The following CTSC variants were observed in gnomAD, a reference collection of about 807,000 sequenced individuals.
The protein encoded by CTSC is dipeptidyl peptidase 1.
CTSC carries 37 observed loss-of-function variants against 40.9 expected under a neutral mutation model. The observed-to-expected ratio is 0.91, with a 90% confidence interval of 0.70 to 1.19. CTSC has a LOEUF of 1.19. Among genes scored for constraint, CTSC ranks in the 50% most tolerant of loss-of-function variants. The pLI is 0.00. For synonymous variants in CTSC, 232 were observed against 207.4 expected (o/e 1.12, Z -1.02); for missense variants, 594 against 567.3 (o/e 1.05, Z -0.48).
intron 2 of CTSC, chr11:88,326,283 C>T: frequency 1.3e-6 from 2 of 1,595,704 alleles, no homozygotes; most frequent in South Asian, 2.3e-5. Context: ...TTGCATTTTG[C>T]ATGCAAATAA....
chr11:88,308,642 C>T (rs928969786), intron 4 of CTSC, among the ~76,000 whole-genome samples: 2 of 151,850 alleles, frequency 1.3e-5, no homozygotes, highest in African/African-American at 4.8e-5. Context: ...TGATTTCACC[C>T]ACCCCAACCA....
chr11:88,333,841 C>G (rs1309135373), intron 2 of CTSC, among the ~76,000 whole-genome samples: 2 of 152,066 alleles, frequency 1.3e-5, no homozygotes, highest in Non-Finnish European at 2.9e-5. Context: ...CATATCACAC[C>G]AGCAAATCCA....
intron 2 of CTSC, among the ~76,000 whole-genome samples, chr11:88,334,086 A>G (rs1404437550): frequency 2.0e-5 from 3 of 152,122 alleles, no homozygotes; most frequent in South Asian, 4.1e-4. Flanking sequence ...GTTATTCCCT[A>G]CTTTCCCACT....
At chr11:88,326,446 A>G in intron 2 of CTSC, 1 of 1,604,512 alleles carries the variant, frequency 6.2e-7, no homozygotes. Flanking sequence ...TTTAATAACT[A>G]CAAGACAATA....
intron 4 of CTSC, among the ~76,000 whole-genome samples, chr11:88,305,608 A>G (rs72964967): frequency 0.072 from 10,900 of 152,264 alleles, 451 homozygotes; most frequent in Non-Finnish European, 0.096. Flanking sequence ...AGAATCTTTG[A>G]GAGTTTCTAT....
At chr11:88,336,527 A>C (rs1938499856) in intron 1 of CTSC, among the ~76,000 whole-genome samples, 1 of 149,154 alleles carries the variant, frequency 6.7e-6, no homozygotes, top group Non-Finnish European at 1.5e-5. Flanking sequence ...TGACAGAGCA[A>C]GACTCCATTC....
intron 2 of CTSC, among the ~76,000 whole-genome samples, chr11:88,334,258 A>C (rs888211103): frequency 2.0e-5 from 3 of 152,258 alleles, no homozygotes; most frequent in African/African-American, 7.2e-5. Context: ...GCTTGTGAAG[A>C]ACAAATGAAA....
At chr11:88,330,533 G>C (rs1938321101) in intron 2 of CTSC, among the ~76,000 whole-genome samples, 1 of 152,088 alleles carries the variant, frequency 6.6e-6, no homozygotes, top group East Asian at 1.9e-4. Flanking sequence ...ATTTTTAGTA[G>C]AGACGGGGTT....
intron 2 of CTSC, among the ~76,000 whole-genome samples, chr11:88,319,696 C>T (rs1408238460): frequency 1.3e-5 from 2 of 151,982 alleles, no homozygotes; most frequent in African/African-American, 4.8e-5. Flanking sequence ...CTTAATATTT[C>T]ACATTTTATA....
chr11:88,310,512 T>A lies in CTSC; in HGVS notation c.486-1194A>T, dbSNP rs188064910. Reference sequence around the variant, plus strand: ...CAAGATATAATTAACCTGAGGAACATTTTAGGCATACTGCAAACTTTTCTT... The same window carrying A: ...CAAGATATAATTAACCTGAGGAACAATTTAGGCATACTGCAAACTTTTCTT... On this transcript the variant is annotated intron_variant, in intron 3 of 6. Coordinates refer to ENST00000227266, the MANE Select transcript of CTSC (RefSeq NM_001814.6). 7.0e-3 allele frequency among the ~76,000 whole-genome samples: 1,061 copies of A among 152,282 alleles called. 9 individuals carry two copies. Among genetic ancestry groups the A allele is most frequent in the South Asian group, 0.012 (60 of 4,830 alleles).
intron 2 of CTSC, chr11:88,324,808 A>T (rs1325294878): frequency 1.0e-6 from 1 of 985,272 alleles, no homozygotes; most frequent in East Asian, 1.1e-4. Context: ...GTCCTGAGTG[A>T]TAAAGAATTT....
chr11:88,320,858 T>C, intron 2 of CTSC: 4 of 824,698 alleles, frequency 4.9e-6, no homozygotes, highest in Non-Finnish European at 5.9e-6. Context: ...TGAAGGCTTA[T>C]TATTGGTCAT....
At chr11:88,334,891 A>T (rs368224078) in intron 2 of CTSC, 46 bp downstream of exon 2, 1 of 1,446,584 alleles carries the variant, frequency 6.9e-7, no homozygotes, top group Non-Finnish European at 9.7e-7. Context: ...GAGGTTTCAG[A>T]TATCAAATCA....
chr11:88,328,686 G>A (rs1477164133), intron 2 of CTSC, among the ~76,000 whole-genome samples: 1 of 152,104 alleles, frequency 6.6e-6, no homozygotes, highest in African/African-American at 2.4e-5. Context: ...GAAATGCAGT[G>A]GCACAATGTC....
chr11:88,293,856 T>C lies in CTSC; in HGVS notation c.*150A>G, dbSNP rs1247044220. The C allele has an allele frequency of 1.1e-6, 1 of 935,940 alleles. No individual in the cohort carries two copies. Among genetic ancestry groups the C allele is most frequent in the African/African-American group, 1.6e-5 (1 of 61,070 alleles). The allele number at this position is 935,940 out of a possible 1,614,324, so 58.0% of individuals were successfully genotyped here. On this transcript the variant is annotated 3_prime_UTR_variant, in exon 7 of 7. Transcript: ENST00000227266. ...TGGCCGATTGAAAGGTATATTAAAA[T>C]TAAGGGCAGTTTTAATTCTGAAGAC...
At chr11:88,295,065 C>T (rs576363173) in intron 6 of CTSC, among the ~76,000 whole-genome samples, 7 of 152,298 alleles carry the variant, frequency 4.6e-5, no homozygotes, top group African/African-American at 1.7e-4. Context: ...CTTCACTGTT[C>T]TTCACTCTGT....
Position 88,300,748 on chromosome 11 carries a change from A to G in CTSC, c.642-103T>C. Reference sequence around the variant, plus strand: ...TATGATTTCAGCTACCAGACTAGCTAGGATCTAGATTCAGACCCAGAGCAC... The same window carrying G: ...TATGATTTCAGCTACCAGACTAGCTGGGATCTAGATTCAGACCCAGAGCAC... On this transcript the variant is annotated intron_variant, in intron 4 of 6. Transcript: ENST00000227266. The G allele has an allele frequency of 6.4e-6, 5 of 779,508 alleles. No homozygotes were observed. The South Asian group carries it at 7.2e-5, about 11-fold the overall frequency. 48.3% of individuals were successfully genotyped at this position (779,508 alleles called of 1,614,324 possible).
intron 2 of CTSC, among the ~76,000 whole-genome samples, chr11:88,327,690 C>T (rs1332745981): frequency 6.6e-6 from 1 of 152,194 alleles, no homozygotes; most frequent in African/African-American, 2.4e-5. Flanking sequence ...CTGTGGAAGA[C>T]AGATCTAAGC....
intron 2 of CTSC, among the ~76,000 whole-genome samples, chr11:88,319,489 A>C (rs1384130256): frequency 6.6e-6 from 1 of 152,198 alleles, no homozygotes; most frequent in Non-Finnish European, 1.5e-5. Context: ...TAAGATTTTA[A>C]AACACATCAG....
Sources: gnomAD v4.1 joint callset for allele counts (sites outside exome capture counted in the v4.1 genomes callset) on GRCh38, gnomAD v4.1.1 for gene constraint, MANE v1.5 for transcripts, NCBI Gene and HGNC (gene_info 2026-07-23, HGNC 2026-07-21) for gene names.